SEL1L3: variants seen among roughly 807,000 people sequenced by gnomAD.
SEL1L3 encodes SEL1L family member 3.
A neutral mutation model predicts 142.8 loss-of-function variants in SEL1L3; 76 were observed. The ratio of observed to expected loss-of-function variants is 0.53; its 90% CI spans 0.44 to 0.64. The LOEUF (loss-of-function observed/expected upper bound fraction) is 0.64, where lower values mean the gene tolerates loss of function less well. SEL1L3 is among the 30% of genes least tolerant of loss of function. The probability of loss-of-function intolerance (pLI) is 0.00; values close to 1 mark genes in which losing one functional copy is unlikely to be tolerated. For synonymous variants in SEL1L3, 504 were observed against 519.6 expected, an observed-to-expected ratio of 0.97 and a Z score of 0.41; for missense variants, 1,262 against 1,381.7, an observed-to-expected ratio of 0.91 and a Z score of 1.37.
chr4:25,804,859 C>T, intron 9 of SEL1L3, 107 bp from the exon 10 acceptor site: 5 of 822,738 alleles, frequency 6.1e-6, no homozygotes, highest in South Asian at 3.1e-5. Flanking sequence ...TTGATATGGT[C>T]GGTCCTGCAG....
the SEL1L3 span, among the ~76,000 whole-genome samples, chr4:25,740,822 G>A: frequency 6.6e-6 from 1 of 151,962 alleles, no homozygotes; most frequent in African/African-American, 2.4e-5. Context: ...GTCTTGCTCT[G>A]TTGCCAGGCT....
intron 23 of SEL1L3, chr4:25,756,239 C>T: frequency 1.0e-6 from 1 of 985,368 alleles, no homozygotes; most frequent in Non-Finnish European, 1.2e-6. Flanking sequence ...TTGTAGCCGT[C>T]CGAGATGGTA....
Position 25,776,376 on chromosome 4 carries a change from G to A in SEL1L3, c.2586-16C>T, listed in dbSNP as rs527713178. On this transcript the variant is annotated splice_polypyrimidine_tract_variant and intron_variant, in intron 16 of 23. Transcript: ENST00000399878. Reference sequence around the variant, plus strand: ...TTTTGCCCATCTGAAAAAAAAAAGGGAAGAGAAAATACGCAAACCATGGCA... The same window carrying A: ...TTTTGCCCATCTGAAAAAAAAAAGGAAAGAGAAAATACGCAAACCATGGCA... 1.1e-4 allele frequency: 180 copies of A among 1,580,824 alleles called. No individual in the cohort carries two copies. Among genetic ancestry groups the A allele is most frequent in the Non-Finnish European group, 1.4e-4 (167 of 1,152,388 alleles).
chr4:25,749,294 G>A (rs988409954), intron 23 of SEL1L3, among the ~76,000 whole-genome samples: 22 of 152,024 alleles, frequency 1.4e-4, no homozygotes, highest in African/African-American at 4.3e-4. Context: ...GAAGTACTAA[G>A]GCATGTATTT....
intron 6 of SEL1L3, among the ~76,000 whole-genome samples, chr4:25,823,413 C>A (rs1391131822): frequency 6.6e-6 from 1 of 151,964 alleles, no homozygotes; most frequent in African/African-American, 2.4e-5. Context: ...ACTCAGGGGG[C>A]TAATACAGGA....
rs367961515 is a variant in SEL1L3, at chr4:25,836,926, T to C, written c.734-1603A>G. 3.3e-5 allele frequency among the ~76,000 whole-genome samples: 5 copies of C among 152,294 alleles called. 1 individual carries two copies. In the East Asian group the frequency reaches 9.7e-4, roughly 29 times the overall value. Reference sequence around the variant, plus strand: ...ATTTGGAAATCGTAAGAGCAGTTTTTAGAATCACAGGCCCTTGTGTATTTT... The same window carrying C: ...ATTTGGAAATCGTAAGAGCAGTTTTCAGAATCACAGGCCCTTGTGTATTTT... On this transcript the variant is annotated intron_variant, in intron 2 of 23. Transcript: ENST00000399878.
At chr4:25,794,758 T>A (rs1712595215) in intron 11 of SEL1L3, among the ~76,000 whole-genome samples, 1 of 152,150 alleles carries the variant, frequency 6.6e-6, no homozygotes, top group Non-Finnish European at 1.5e-5. Flanking sequence ...CAAAGATACA[T>A]GTGTGCATAT....
At chr4:25,817,989 CA>C (rs1484707546) in intron 9 of SEL1L3, 148 bp downstream of exon 9, 1 of 813,592 alleles carries the variant, frequency 1.2e-6, no homozygotes, top group Non-Finnish European at 1.9e-6. Flanking sequence ...TGTGGACATA[CA>C]AAGGCAGAAT....
chr4:25,715,616 C>G, the SEL1L3 span, among the ~76,000 whole-genome samples: 1 of 151,836 alleles, frequency 6.6e-6, no homozygotes, highest in African/African-American at 2.4e-5. Flanking sequence ...GATAAAAGAA[C>G]AAGGTTACTC....
At chr4:25,742,231 G>C in the SEL1L3 span, among the ~76,000 whole-genome samples, 1 of 152,080 alleles carries the variant, frequency 6.6e-6, no homozygotes, top group East Asian at 1.9e-4. Context: ...TGTTGCTCAG[G>C]CTGGAGTGAA....
At position 25,802,367 on chromosome 4, in the gene SEL1L3, G is replaced by C. The variant is rs749576813; in HGVS notation, c.1872C>G (p.Pro624=). 26 of 1,613,650 alleles carry C rather than the reference G, an allele frequency of 1.6e-5. No individual in the cohort carries two copies. The highest frequency in any genetic ancestry group is 1.6e-4 in the African/African-American group (12 of 74,866). The change falls in exon 11 of 24, where the codon CCC becomes CCG. Residue 624 remains proline (P), a synonymous_variant. Coordinates refer to ENST00000399878, the MANE Select transcript of SEL1L3 (RefSeq NM_015187.5). ...AGGCATACGACAGTTCCCAGTCCAG[G>C]GGGTAGTTGTCAATACCCTGGTAGT... ...YKHYQGIDNY[P]LDWELSYAYY... is the part of the protein sequence containing the mutation.
chr4:25,820,017 G>T, intron 7 of SEL1L3, 77 bp from the exon 8 acceptor site: 3 of 1,427,190 alleles, frequency 2.1e-6, no homozygotes, highest in Middle Eastern at 1.9e-4. Context: ...ATGTGTTTGG[G>T]TTGACTTTGT....
intron 3 of SEL1L3, 52 bp from the exon 4 acceptor site, chr4:25,833,621 A>T: frequency 1.3e-6 from 2 of 1,508,122 alleles, no homozygotes; most frequent in Non-Finnish European, 1.8e-6. Context: ...ATCCAAGAAC[A>T]GGTAATTATG....
chr4:25,730,336 T>A, the SEL1L3 span, among the ~76,000 whole-genome samples: 1 of 152,170 alleles, frequency 6.6e-6, no homozygotes, highest in African/African-American at 2.4e-5. Flanking sequence ...GTCTATGAAC[T>A]AACTTTTATT....
rs1209887716 is a variant in SEL1L3, at chr4:25,757,797, A to G, written c.3084-7T>C. The stretch of plus-strand genomic sequence containing the variant: ...GTTACTGTGGCTCCAGCACCTGCAG[A>G]CAAAGCCCAGGGCATCTTGACGTGT... On this transcript the variant is annotated splice_polypyrimidine_tract_variant and splice_region_variant and intron_variant, in intron 21 of 23. Transcript: ENST00000399878. 1 of 1,566,464 alleles carries G rather than the reference A, an allele frequency of 6.4e-7. No individual in the cohort carries two copies. Among genetic ancestry groups the G allele is most frequent in the Non-Finnish European group, 8.7e-7 (1 of 1,156,010 alleles).
intron 7 of SEL1L3, among the ~76,000 whole-genome samples, chr4:25,820,236 A>G (rs756424031): frequency 1.3e-5 from 2 of 152,176 alleles, no homozygotes; most frequent in African/African-American, 2.4e-5. Flanking sequence ...CTGTCCCTAG[A>G]AAATCACACT....
rs913394558 is a variant in SEL1L3, at chr4:25,790,223, G to A, written c.2076+232C>T. 5.9e-5 allele frequency among the ~76,000 whole-genome samples: 9 copies of A among 152,162 alleles called. No individual in the cohort carries two copies. In the East Asian group the frequency reaches 7.7e-4, roughly 13 times the overall value. ...AGAAGCGTTAGCCAGCTGGTAAGGCGCTATGGCCATGGCCCGACTGTAATG... is the reference window on the plus strand; with the variant it reads ...AGAAGCGTTAGCCAGCTGGTAAGGCACTATGGCCATGGCCCGACTGTAATG... On this transcript the variant is annotated intron_variant, in intron 12 of 23. Transcript: ENST00000399878.
chr4:25,833,592 A>G (rs199768757), intron 3 of SEL1L3, 23 bp from the exon 4 acceptor site: 4 of 1,586,488 alleles, frequency 2.5e-6, no homozygotes, highest in Admixed American at 3.7e-5. Context: ...GGGGGAAAAA[A>G]ATTCTGCAGA....
At chr4:25,756,516 T>C in intron 23 of SEL1L3, 2 of 979,430 alleles carry the variant, frequency 2.0e-6, no homozygotes, top group African/African-American at 1.7e-5. Context: ...CATTTTATGT[T>C]CCTAGGAAGT....
Sources: gnomAD v4.1 joint callset for allele counts (sites outside exome capture counted in the v4.1 genomes callset) on GRCh38, gnomAD v4.1.1 for gene constraint, MANE v1.5 for transcripts, NCBI Gene and HGNC (gene_info 2026-07-23, HGNC 2026-07-21) for gene names.